DIP2B: variants seen among roughly 807,000 people sequenced by gnomAD.
DIP2B encodes the protein disco-interacting protein 2 homolog B.
Under a neutral mutation model 198.0 loss-of-function variants are expected in DIP2B, and 76 were observed. That is an observed-to-expected ratio of 0.38 (90% CI 0.32 to 0.46). The LOEUF (loss-of-function observed/expected upper bound fraction) is 0.46. DIP2B is among the 20% of genes least tolerant of loss of function. The pLI is 0.99. For missense variants in DIP2B, 1,559 were observed against 1,978.4 expected (o/e 0.79, Z 4.02); for synonymous variants, 701 against 739.1 (o/e 0.95, Z 0.84).
intron 1 of DIP2B, among the ~76,000 whole-genome samples, chr12:50,613,865 C>T (rs1937649015): frequency 6.6e-6 from 1 of 152,152 alleles, no homozygotes; most frequent in Non-Finnish European, 1.5e-5. Flanking sequence ...ATCACTATGC[C>T]TATAAATGTT....
chr12:50,727,678 A>G (rs200990527), intron 28 of DIP2B, 25 bp from the exon 29 acceptor site: 6 of 1,592,252 alleles, frequency 3.8e-6, no homozygotes, highest in Non-Finnish European at 5.2e-6. Context: ...TTGGATTGAC[A>G]TCAGGTTTTT....
At chr12:50,607,611 T>G (rs553335449) in intron 1 of DIP2B, among the ~76,000 whole-genome samples, 2 of 152,298 alleles carry the variant, frequency 1.3e-5, no homozygotes, top group African/African-American at 4.8e-5. Flanking sequence ...AAGGTCAGGG[T>G]TTTTGTTCAA....
At chr12:50,722,468 C>T (rs991998325) in intron 26 of DIP2B, among the ~76,000 whole-genome samples, 2 of 151,862 alleles carry the variant, frequency 1.3e-5, no homozygotes, top group East Asian at 3.9e-4. Flanking sequence ...TGGCCAGGCT[C>T]GTCTCAAACT....
intron 29 of DIP2B, 23 bp downstream of exon 29, chr12:50,727,835 G>T (rs1450514542): frequency 2.5e-6 from 4 of 1,582,184 alleles, no homozygotes; most frequent in Non-Finnish European, 2.6e-6. Context: ...CTGGAAAAAT[G>T]CCACATCTGC....
At chr12:50,512,499 G>A (rs1001519782) in intron 1 of DIP2B, among the ~76,000 whole-genome samples, 4 of 152,122 alleles carry the variant, frequency 2.6e-5, no homozygotes, top group East Asian at 1.9e-4. Flanking sequence ...TTAGGAATAC[G>A]ATAAATTTTT....
At chr12:50,701,854 G>A (rs747151565) in intron 19 of DIP2B, among the ~76,000 whole-genome samples, 10 of 152,116 alleles carry the variant, frequency 6.6e-5, no homozygotes, top group Non-Finnish European at 1.0e-4. Flanking sequence ...TACTAATGCT[G>A]TTTCTATAGG....
chr12:50,732,590 C>A lies in DIP2B; in HGVS notation c.3981+54C>A. The A allele has an allele frequency of 2.5e-6, 4 of 1,598,156 alleles. No individual in the cohort carries two copies. The South Asian group carries it at 4.4e-5, about 18-fold the overall frequency. ...CAAATGGGAGAGGAATATGGAGTAT[C>A]CCAGAGCATGGGCTTTGGAGCCAGG... On this transcript the variant is annotated intron_variant, in intron 32 of 37. Transcript: ENST00000301180.
rs1412255397 is a variant in DIP2B at position 50,505,290 on chromosome 12, G to T, written c.100+50G>T. 5 of 1,388,866 alleles carry T rather than the reference G, an allele frequency of 3.6e-6. No individual in the cohort carries two copies. The East Asian group carries it at 1.1e-4, about 32-fold the overall frequency. The allele number at this position is 1,388,866 out of a possible 1,614,324, so 86.0% of individuals were successfully genotyped here. A position where few individuals can be genotyped will look rare whatever the true frequency, so the allele number is the denominator to read the frequency against. On this transcript the variant is annotated intron_variant, in intron 1 of 37. Transcript: ENST00000301180. ...CGCCCGGGGCCCTGCGGATCGCGGC[G>T]ACTTGGGAGACAGGTCCCCGCCGCG...
chr12:50,571,096 A>G (rs930063861), intron 1 of DIP2B, among the ~76,000 whole-genome samples: 4 of 151,946 alleles, frequency 2.6e-5, no homozygotes, highest in East Asian at 1.9e-4. Context: ...TGCCATCGCA[A>G]TGTAGTGGAG....
At chr12:50,516,393 TACAGGCGTGTGCC>T (rs2139346084) in intron 1 of DIP2B, among the ~76,000 whole-genome samples, 1 of 152,236 alleles carries the variant, frequency 6.6e-6, no homozygotes, top group South Asian at 2.1e-4. Context: ...TAGCTGGGAT[TACAGGCGTGTGCC>T]ACCACACCTG....
chr12:50,581,414 G>A (rs1264325627), intron 1 of DIP2B, among the ~76,000 whole-genome samples: 2 of 149,492 alleles, frequency 1.3e-5, no homozygotes, highest in Non-Finnish European at 2.9e-5. Flanking sequence ...GTAACCATCA[G>A]GTTGGAGGCG....
chr12:50,633,325 A>G (rs1372638962), intron 2 of DIP2B: 1 of 152,218 alleles, frequency 6.6e-6, no homozygotes, highest in African/African-American at 2.4e-5. Context: ...AGAGATTAGT[A>G]TGGCCCCTGT....
chr12:50,610,741 C>T (rs541176655), intron 1 of DIP2B, among the ~76,000 whole-genome samples: 3 of 151,738 alleles, frequency 2.0e-5, no homozygotes, highest in South Asian at 2.1e-4. Context: ...CACCTGACCT[C>T]GTGATCTGCC....
chr12:50,730,460 A>C (rs1456357225), intron 30 of DIP2B, among the ~76,000 whole-genome samples: 1 of 147,466 alleles, frequency 6.8e-6, no homozygotes, highest in Non-Finnish European at 1.5e-5. Flanking sequence ...ATCACAGCTC[A>C]CTGCAGCCTC....
chr12:50,658,098 AAAAG>A (rs1183237671), intron 3 of DIP2B, among the ~76,000 whole-genome samples: 15 of 151,872 alleles, frequency 9.9e-5, no homozygotes, highest in Non-Finnish European at 2.1e-4. Flanking sequence ...AAAAAAAAAA[AAAAG>A]AAAGAAAAAA....
intron 3 of DIP2B, among the ~76,000 whole-genome samples, chr12:50,650,153 T>C (rs1177459688): frequency 2.0e-5 from 3 of 151,882 alleles, no homozygotes; most frequent in Non-Finnish European, 2.9e-5. Context: ...GAGGTTGCAG[T>C]GAGCCAAGAT....
intron 1 of DIP2B, among the ~76,000 whole-genome samples, chr12:50,599,995 CA>C (rs2139440977): frequency 6.6e-6 from 1 of 152,100 alleles, no homozygotes; most frequent in South Asian, 2.1e-4. Flanking sequence ...CTCAACTGAG[CA>C]GGGAAAAAAA....
At chr12:50,515,859 C>T (rs76359709) in intron 1 of DIP2B, among the ~76,000 whole-genome samples, 1,605 of 152,294 alleles carry the variant, frequency 0.011, 13 homozygotes, top group Non-Finnish European at 0.016. Flanking sequence ...TCTGTTTCAA[C>T]TTCCTCCTCC....
At chr12:50,599,989 A>G (rs1958921275) in intron 1 of DIP2B, among the ~76,000 whole-genome samples, 2 of 152,214 alleles carry the variant, frequency 1.3e-5, no homozygotes, top group African/African-American at 4.8e-5. Context: ...CTGCAGCTCA[A>G]CTGAGCAGGG....
Sources: gnomAD v4.1 joint callset for allele counts (sites outside exome capture counted in the v4.1 genomes callset) on GRCh38, gnomAD v4.1.1 for gene constraint, MANE v1.5 for transcripts, NCBI Gene and HGNC (gene_info 2026-07-23, HGNC 2026-07-21) for gene names.